The following SHQ1 variants were observed in gnomAD, a reference collection of about 807,000 sequenced individuals.
The protein encoded by SHQ1 is SHQ1, H/ACA ribonucleoprotein assembly factor.
Under a neutral mutation model 53.8 loss-of-function variants are expected in SHQ1, and 49 were observed. That is an observed-to-expected ratio of 0.91 (90% CI 0.72 to 1.16). The LOEUF is 1.16. Among genes scored for constraint, SHQ1 ranks in the 50% most tolerant of loss-of-function variants. SHQ1 has a pLI of 0.00. For missense variants in SHQ1, 738 were observed against 683.1 expected (o/e 1.08, Z -0.90); for synonymous variants, 243 against 251.0 (o/e 0.97, Z 0.30).
chr3:72,792,360 T>C (rs923929530), intron 10 of SHQ1, among the ~76,000 whole-genome samples: 1 of 152,342 alleles, frequency 6.6e-6, no homozygotes, highest in African/African-American at 2.4e-5. Context: ...GACATACCAA[T>C]ACCAATTTTT....
At chr3:72,839,427 C>A (rs909953263) in intron 4 of SHQ1, among the ~76,000 whole-genome samples, 2 of 152,238 alleles carry the variant, frequency 1.3e-5, no homozygotes, top group Non-Finnish European at 2.9e-5. Flanking sequence ...CCAGCATTTG[C>A]TCCTAAGTAA....
intron 10 of SHQ1, among the ~76,000 whole-genome samples, chr3:72,787,632 A>G (rs907384974): frequency 1.3e-5 from 2 of 152,246 alleles, no homozygotes; most frequent in Non-Finnish European, 2.9e-5. Flanking sequence ...AGGTATTATC[A>G]TGAGTATAAA....
chr3:72,833,544 GATAGATAGATAGA>G (rs1467450581), intron 4 of SHQ1, among the ~76,000 whole-genome samples: 7 of 87,734 alleles, frequency 8.0e-5, no homozygotes, highest in Non-Finnish European at 1.5e-4. Context: ...CAGATAGATA[GATAGATAGATAGA>G]TAGATAGATA....
intron 10 of SHQ1, among the ~76,000 whole-genome samples, chr3:72,790,715 A>G (rs1255769412): frequency 6.6e-6 from 1 of 152,032 alleles, no homozygotes; most frequent in African/African-American, 2.4e-5. Flanking sequence ...AGATAAACAA[A>G]TGTTTTATTT....
intron 10 of SHQ1, among the ~76,000 whole-genome samples, chr3:72,776,599 T>C (rs1705961643): frequency 6.6e-6 from 1 of 152,170 alleles, no homozygotes; most frequent in African/African-American, 2.4e-5. Flanking sequence ...AAAAAGTATT[T>C]ACATCAGCAA....
chr3:72,824,664 C>A, intron 5 of SHQ1, 113 bp from the exon 6 acceptor site: 1 of 1,229,178 alleles, frequency 8.1e-7, no homozygotes, highest in East Asian at 2.5e-5. Flanking sequence ...ATTCAAAGTA[C>A]ATTTCAAGGA....
downstream of SHQ1, among the ~76,000 whole-genome samples, chr3:72,744,911 C>A (rs893065553): frequency 3.5e-5 from 4 of 112,926 alleles, 1 homozygote; most frequent in South Asian, 1.2e-3. Context: ...CATGACAGGT[C>A]ATTTGATACA....
chr3:72,806,789 T>C (rs138339864), intron 9 of SHQ1, among the ~76,000 whole-genome samples: 812 of 152,340 alleles, frequency 5.3e-3, no homozygotes, highest in Middle Eastern at 0.014. Flanking sequence ...TCACAGCCTC[T>C]ATGAAAATTT....
At chr3:72,780,466 T>C (rs1471080109) in intron 10 of SHQ1, among the ~76,000 whole-genome samples, 1 of 152,234 alleles carries the variant, frequency 6.6e-6, no homozygotes. Flanking sequence ...CTTATTTTTC[T>C]GAAGCATTAG....
chr3:72,772,216 C>T (rs528386814), intron 10 of SHQ1, among the ~76,000 whole-genome samples: 7 of 149,892 alleles, frequency 4.7e-5, no homozygotes, highest in African/African-American at 1.7e-4. Flanking sequence ...ATGGAATGTG[C>T]CAAAGCGAAA....
chr3:72,750,397 C>T lies in SHQ1; in HGVS notation c.1621G>A (p.Glu541Lys), dbSNP rs34031957. 1,316 of 1,614,116 alleles carry T rather than the reference C, an allele frequency of 8.2e-4. 12 individuals are homozygous for T. The African/African-American group carries it at 0.016, about 19-fold the overall frequency. ...GTAGTCTTCAGTTGTTCCCCAAGCT[C>T]CTCTATCAGAGGCCCAGACACTCCA... ...PLGVSGPLIE[E>K]LGEQLKTTVQ... The change falls in exon 11 of 11, where the codon GAG (glutamate) becomes AAG (lysine). Residue 541 changes from glutamate (E) to lysine (K), a missense_variant. By Grantham distance (56) the Glu-to-Lys change is moderately conservative. Coordinates refer to ENST00000325599, the MANE Select transcript of SHQ1 (RefSeq NM_018130.3).
chr3:72,798,099 A>T (rs1487202345), intron 9 of SHQ1, among the ~76,000 whole-genome samples: 1 of 152,236 alleles, frequency 6.6e-6, no homozygotes, highest in African/African-American at 2.4e-5. Context: ...GGCATAAAAA[A>T]ATGCTAAGGC....
intron 6 of SHQ1, among the ~76,000 whole-genome samples, chr3:72,818,602 T>C (rs781196440): frequency 1.3e-5 from 2 of 152,218 alleles, no homozygotes; most frequent in African/African-American, 2.4e-5. Flanking sequence ...TTGAGTATAG[T>C]AGGCAGAATT....
At chr3:72,847,740 C>G (rs1708391402) in intron 1 of SHQ1, among the ~76,000 whole-genome samples, 1 of 152,000 alleles carries the variant, frequency 6.6e-6, no homozygotes. Context: ...AGGGAGCGGA[C>G]AGACAAGAGA....
intron 5 of SHQ1, 121 bp from the exon 6 acceptor site, chr3:72,824,672 G>T: frequency 8.6e-7 from 1 of 1,156,442 alleles, no homozygotes; most frequent in Non-Finnish European, 1.2e-6. Flanking sequence ...TACATTTCAA[G>T]GAAAGACTGA....
intron 10 of SHQ1, among the ~76,000 whole-genome samples, chr3:72,790,090 T>C (rs1311308180): frequency 6.6e-6 from 1 of 152,198 alleles, no homozygotes; most frequent in Admixed American, 6.5e-5. Flanking sequence ...GTGAAGCTTA[T>C]AGTGAAGGGT....
At chr3:72,737,588 A>G in the SHQ1 span, among the ~76,000 whole-genome samples, 1 of 152,376 alleles carries the variant, frequency 6.6e-6, no homozygotes, top group South Asian at 2.1e-4. Context: ...AAAAATTGGC[A>G]TAGAAGTTGC....
chr3:72,847,446 G>A (rs1452732731), intron 1 of SHQ1, among the ~76,000 whole-genome samples: 2 of 115,792 alleles, frequency 1.7e-5, no homozygotes, highest in Non-Finnish European at 3.4e-5. Flanking sequence ...TTATCCCTAA[G>A]GATCACCGTC....
At chr3:72,738,825 G>C in the SHQ1 span, among the ~76,000 whole-genome samples, 2 of 152,228 alleles carry the variant, frequency 1.3e-5, no homozygotes, top group Admixed American at 6.5e-5. Flanking sequence ...GCCGCTGGGA[G>C]ACCCTCCTCC....
Sources: allele counts gnomAD v4.1 joint callset (sites outside exome capture counted in the v4.1 genomes callset), GRCh38; gene constraint gnomAD v4.1.1; transcripts MANE v1.5; gene names NCBI Gene and HGNC (gene_info 2026-07-23, HGNC 2026-07-21).